GTF3C1: variants seen among roughly 807,000 people sequenced by gnomAD.
GTF3C1 encodes the protein general transcription factor IIIC subunit 1.
In GTF3C1, 57 loss-of-function variants were observed where a neutral mutation model predicts 226.7. The observed-to-expected ratio is 0.25, with a 90% confidence interval of 0.20 to 0.31. The LOEUF is 0.31. Ranked by LOEUF, GTF3C1 falls within the 10% of genes least tolerant of loss-of-function variation. GTF3C1 has a pLI of 1.00. For missense variants in GTF3C1, 2,217 were observed against 2,776.1 expected (o/e 0.80, Z 4.53); for synonymous variants, 1,090 against 1,084.8 (o/e 1.00, Z -0.09).
chr16:27,461,146 G>T lies in GTF3C1; in HGVS notation c.*204C>A. Reference sequence around the variant, plus strand: ...AAGGGGAAGGCCCAGAAGAGCCTGGGGGATGGGCAGGTCGGGGAGCCCCTC... The same window carrying T: ...AAGGGGAAGGCCCAGAAGAGCCTGGTGGATGGGCAGGTCGGGGAGCCCCTC... On this transcript the variant is annotated 3_prime_UTR_variant, in exon 37 of 37. Coordinates refer to ENST00000356183, the MANE Select transcript of GTF3C1 (RefSeq NM_001520.4). The surrounding 1 kb of genome is among the most constrained non-coding windows in gnomAD (Gnocchi z 5.3). 1.9e-6 allele frequency: 1 copy of T among 537,304 alleles called. No homozygotes were observed. Among genetic ancestry groups the T allele is most frequent in the Non-Finnish European group, 3.3e-6 (1 of 300,140 alleles). 33.3% of individuals were successfully genotyped at this position (537,304 alleles called of 1,614,324 possible). A position where few individuals can be genotyped will look rare whatever the true frequency, so the allele number is the denominator to read the frequency against.
intron 2 of GTF3C1, among the ~76,000 whole-genome samples, chr16:27,542,633 T>C (rs538623245): frequency 2.6e-5 from 4 of 151,914 alleles, no homozygotes; most frequent in African/African-American, 4.8e-5. Context: ...TAGAAGGTGT[T>C]TGGGTAGTGG....
chr16:27,495,467 T>G lies in GTF3C1; in HGVS notation c.2376A>C (p.Gly792=). 1 of 1,613,686 alleles carries G rather than the reference T, an allele frequency of 6.2e-7. No homozygotes were observed. Among genetic ancestry groups the G allele is most frequent in the Non-Finnish European group, 8.5e-7 (1 of 1,179,870 alleles). The change falls in exon 15 of 37, where the codon GGA becomes GGC. Residue 792 remains glycine (G), a synonymous_variant. Coordinates refer to ENST00000356183, the MANE Select transcript of GTF3C1 (RefSeq NM_001520.4). ...GCAGGCGAGGCATTTTGGGCAGAAA[T>G]CCTAGAGAACGCCCCAGTCCGGGAA... is the stretch of plus-strand genomic sequence containing the variant. ...IVVPGLGRSL[G]FLPKMPRLRV...
In GTF3C1 at chr16:27,471,646, G is replaced by C; in HGVS notation, c.4526+102C>G. On this transcript the variant is annotated intron_variant, in intron 30 of 36. Coordinates refer to ENST00000356183, the MANE Select transcript of GTF3C1 (RefSeq NM_001520.4). This position sits in a 1 kb window ranked among gnomAD's most constrained non-coding sequence, Gnocchi z 5.0. Reference sequence around the variant, plus strand: ...TGCACATGAGGCTGCGAAGGTCCCTGGCTCCTACACGCTTTCATGGCCACA... The same window carrying C: ...TGCACATGAGGCTGCGAAGGTCCCTCGCTCCTACACGCTTTCATGGCCACA... 1 of 913,790 alleles carries C rather than the reference G, an allele frequency of 1.1e-6. No homozygotes were observed. The allele number at this position is 913,790 out of a possible 1,614,324, so 56.6% of individuals were successfully genotyped here. A position where few individuals can be genotyped will look rare whatever the true frequency, so the allele number is the denominator to read the frequency against.
chr16:27,546,507 CAT>C lies in GTF3C1; in HGVS notation c.222-986_222-985del, dbSNP rs1041552346. Among the ~76,000 whole-genome samples, 7 of 132,232 alleles carry C rather than the reference CAT, an allele frequency of 5.3e-5. No individual in the cohort carries two copies. In the East Asian group the frequency reaches 6.5e-4, roughly 12 times the overall value. 86.7% of individuals were successfully genotyped at this position (132,232 alleles called of 152,430 possible). A position where few individuals can be genotyped will look rare whatever the true frequency, so the allele number is the denominator to read the frequency against. On this transcript the variant is annotated intron_variant, in intron 1 of 36. Transcript: ENST00000356183. ...TTTTGAAAAAAAAAAAAAATACATA[CAT>C]ATATATATATATAATTTTTTTTCCC...
chr16:27,527,147 GT>G (rs1160798685), intron 6 of GTF3C1, among the ~76,000 whole-genome samples: 3 of 152,246 alleles, frequency 2.0e-5, no homozygotes, highest in African/African-American at 7.2e-5. Flanking sequence ...GATCAAGGCT[GT>G]GGTGAGCCAT....
At position 27,469,550 on chromosome 16, in the gene GTF3C1, G is replaced by C; in HGVS notation, c.4815C>G (p.Ser1605Arg). Reference protein sequence around the residue: ...SSMVENEVIKSLGKDGSLEDD... With the variant: ...SSMVENEVIKRLGKDGSLEDD... ...CCTCCAGGCTGCCGTCCTTCCCCAA[G>C]CTAGAAGGGAATTGTGACCTGGATA... The change falls in exon 32 of 37, where the codon AGC becomes AGG. Residue 1605 changes from serine (S) to arginine (R), a missense_variant and splice_region_variant. Coordinates refer to ENST00000356183, the MANE Select transcript of GTF3C1 (RefSeq NM_001520.4). This position sits in a 1 kb window ranked among gnomAD's most constrained non-coding sequence, Gnocchi z 4.5. The C allele has an allele frequency of 6.2e-7, 1 of 1,607,932 alleles. No homozygotes were observed. Among genetic ancestry groups the C allele is most frequent in the Non-Finnish European group, 8.5e-7 (1 of 1,175,046 alleles).
At chr16:27,503,080 T>G (rs1157462289) in intron 10 of GTF3C1, 85 bp from the exon 11 acceptor site, 3 of 993,314 alleles carry the variant, frequency 3.0e-6, no homozygotes, top group Non-Finnish European at 4.7e-6. Flanking sequence ...GCACTGGCCC[T>G]CTTCAAGAAA....
chr16:27,538,066 G>T, intron 3 of GTF3C1, 114 bp downstream of exon 3: 1 of 1,262,530 alleles, frequency 7.9e-7, no homozygotes, highest in Non-Finnish European at 1.1e-6. Context: ...TGAGACCACG[G>T]CCTTGAAACA....
intron 12 of GTF3C1, among the ~76,000 whole-genome samples, chr16:27,499,931 C>T (rs983509175): frequency 2.0e-5 from 3 of 152,320 alleles, no homozygotes; most frequent in South Asian, 2.1e-4. Flanking sequence ...ATGCACACGA[C>T]GGAAGCCCCT....
intron 25 of GTF3C1, 35 bp downstream of exon 25, chr16:27,484,176 G>C (rs367654027): frequency 1.3e-6 from 2 of 1,502,902 alleles, no homozygotes. Context: ...TAACGTAACC[G>C]TGTCCCGGAG....
At chr16:27,488,994 T>C (rs1596627797) in intron 21 of GTF3C1, 49 bp downstream of exon 21, 1 of 1,569,036 alleles carries the variant, frequency 6.4e-7, no homozygotes, top group African/African-American at 1.4e-5. Flanking sequence ...GACAGGAGGG[T>C]GAGTAGCGAG....
intron 19 of GTF3C1, among the ~76,000 whole-genome samples, chr16:27,490,862 T>G (rs889866071): frequency 6.6e-6 from 1 of 152,176 alleles, no homozygotes; most frequent in Non-Finnish European, 1.5e-5. Context: ...GTTTATTGAA[T>G]GAAGGGACAA....
At chr16:27,486,487 G>A (rs1206908069) in intron 23 of GTF3C1, among the ~76,000 whole-genome samples, 7 of 152,178 alleles carry the variant, frequency 4.6e-5, no homozygotes, top group Non-Finnish European at 1.0e-4. Flanking sequence ...TTGTACAGAA[G>A]CCTACAGTGC....
chr16:27,481,642 C>G (rs569052072), intron 26 of GTF3C1, among the ~76,000 whole-genome samples: 21 of 152,332 alleles, frequency 1.4e-4, no homozygotes, highest in African/African-American at 4.8e-4. Flanking sequence ...TATATGCGCA[C>G]TGCATCATCT....
intron 1 of GTF3C1, among the ~76,000 whole-genome samples, chr16:27,545,960 T>C (rs1283514524): frequency 1.3e-5 from 2 of 152,180 alleles, no homozygotes; most frequent in Non-Finnish European, 1.5e-5. Context: ...GCAATTCTCC[T>C]GCCTGAGCCT....
intron 29 of GTF3C1, among the ~76,000 whole-genome samples, chr16:27,473,466 C>T (rs137960217): frequency 2.4e-3 from 361 of 152,348 alleles, no homozygotes; most frequent in African/African-American, 8.3e-3. Context: ...TCCTCAAAAG[C>T]ACTGGCCAAG....
At chr16:27,548,316 G>A (rs2089196573) in intron 1 of GTF3C1, among the ~76,000 whole-genome samples, 1 of 152,176 alleles carries the variant, frequency 6.6e-6, no homozygotes, top group African/African-American at 2.4e-5. Flanking sequence ...CACCCAGGCT[G>A]GAGTGCAATG....
chr16:27,546,531 T>TC (rs1467206256), intron 1 of GTF3C1, among the ~76,000 whole-genome samples: 1 of 151,010 alleles, frequency 6.6e-6, no homozygotes, highest in African/African-American at 2.4e-5. Flanking sequence ...TAATTTTTTT[T>TC]CCCCTCACTA....
At chr16:27,486,833 T>C (rs1351226847) in intron 23 of GTF3C1, among the ~76,000 whole-genome samples, 1 of 152,274 alleles carries the variant, frequency 6.6e-6, no homozygotes, top group East Asian at 1.9e-4. Flanking sequence ...TATTATCTTA[T>C]AATTAGAATA....
Sources: gnomAD v4.1 joint callset for allele counts (sites outside exome capture counted in the v4.1 genomes callset) on GRCh38, gnomAD v4.1.1 for gene constraint, Gnocchi (gnomAD v3.1) non-coding constraint, MANE v1.5 for transcripts, NCBI Gene and HGNC (gene_info 2026-07-23, HGNC 2026-07-21) for gene names.